Variants in EFCAB6 observed in about 807,000 individuals in gnomAD.
EFCAB6 encodes the protein EF-hand calcium binding domain 6.
EFCAB6 carries 156 observed loss-of-function variants against 169.8 expected under a neutral mutation model. The observed-to-expected ratio is 0.92, with a 90% CI of 0.81 to 1.05. The LOEUF (loss-of-function observed/expected upper bound fraction) is 1.05, where lower values mean the gene tolerates loss of function less well. Ranked by LOEUF, EFCAB6 falls within the 50% of genes least tolerant of loss-of-function variation. The pLI is 0.00. For missense variants in EFCAB6, 1,800 were observed against 1,829.1 expected, an observed-to-expected ratio of 0.98 and a Z score of 0.29; for synonymous variants, 698 against 676.4, an observed-to-expected ratio of 1.03 and a Z score of -0.50.
At chr22:43,578,274 T>G (rs2050392233) in intron 25 of EFCAB6, among the ~76,000 whole-genome samples, 1 of 152,092 alleles carries the variant, frequency 6.6e-6, no homozygotes, top group Non-Finnish European at 1.5e-5. Context: ...AAAAGACTCA[T>G]GAACTCTCAT....
intron 7 of EFCAB6, 68 bp from the exon 8 acceptor site, chr22:43,731,879 G>A (rs1393270793): frequency 6.3e-6 from 6 of 947,112 alleles, no homozygotes; most frequent in Non-Finnish European, 9.1e-6. Flanking sequence ...TGTTACTAAG[G>A]TATCCTTTAC....
chr22:43,701,024 AAGAT>A (rs1056146438), intron 10 of EFCAB6, among the ~76,000 whole-genome samples: 44 of 152,254 alleles, frequency 2.9e-4, no homozygotes, highest in African/African-American at 1.0e-3. Flanking sequence ...ATCTCAATAA[AAGAT>A]AGCCTCGTCC....
At chr22:43,725,507 C>A (rs534363601) in intron 8 of EFCAB6, among the ~76,000 whole-genome samples, 143 of 152,274 alleles carry the variant, frequency 9.4e-4, no homozygotes, top group Non-Finnish European at 1.2e-3. Context: ...GGGGCAGAGC[C>A]CTCATGACTC....
At chr22:43,633,676 T>G (rs2055151488) in intron 18 of EFCAB6, among the ~76,000 whole-genome samples, 1 of 152,210 alleles carries the variant, frequency 6.6e-6, no homozygotes, top group Non-Finnish European at 1.5e-5. Context: ...GGGACTTGGT[T>G]CCAGACGTGG....
intron 24 of EFCAB6, among the ~76,000 whole-genome samples, chr22:43,584,849 A>G (rs1380338889): frequency 1.3e-5 from 2 of 152,212 alleles, no homozygotes; most frequent in Non-Finnish European, 2.9e-5. Flanking sequence ...TACAACTGAA[A>G]GAACTGCAAA....
chr22:43,596,330 T>C (rs554944832), intron 23 of EFCAB6, among the ~76,000 whole-genome samples: 2 of 152,204 alleles, frequency 1.3e-5, no homozygotes, highest in African/African-American at 4.8e-5. Context: ...ATGACATGAT[T>C]TTATATTTAA....
chr22:43,547,225 A>C (rs533888817), intron 27 of EFCAB6, among the ~76,000 whole-genome samples: 19 of 152,308 alleles, frequency 1.2e-4, no homozygotes, highest in African/African-American at 3.8e-4. Flanking sequence ...ATGAGGAAGT[A>C]AGGGAAATCA....
At chr22:43,635,694 G>A (rs1354235559) in intron 17 of EFCAB6, among the ~76,000 whole-genome samples, 1 of 152,142 alleles carries the variant, frequency 6.6e-6, no homozygotes, top group East Asian at 1.9e-4. Context: ...TTAAATGGGG[G>A]TGGCCATCCA....
Position 43,805,450 on chromosome 22 carries a change from C to A in EFCAB6, c.-8+3545G>T, listed in dbSNP as rs117369246. ...ATTAAAAAATGAGATAAGCCAAGCA[C>A]CAAAAAGAAGAATGTTGCATGTTCT... is the stretch of plus-strand genomic sequence containing the variant. On this transcript the variant is annotated intron_variant, in intron 2 of 31. Coordinates refer to ENST00000262726, the MANE Select transcript of EFCAB6 (RefSeq NM_022785.4). Among the ~76,000 whole-genome samples the A allele has an allele frequency of 4.8e-3, 729 of 152,150 alleles. 15 individuals are homozygous for A. The East Asian group carries it at 0.068, about 14-fold the overall frequency.
chr22:43,768,434 A>C (rs1366321114), intron 4 of EFCAB6, among the ~76,000 whole-genome samples: 1 of 152,244 alleles, frequency 6.6e-6, no homozygotes, highest in Non-Finnish European at 1.5e-5. Context: ...TACATTAACT[A>C]CTAAAAAAGA....
chr22:43,671,737 C>T (rs1603118880), intron 15 of EFCAB6, among the ~76,000 whole-genome samples: 1 of 152,172 alleles, frequency 6.6e-6, no homozygotes, highest in Non-Finnish European at 1.5e-5. Context: ...ACCTCTGTTT[C>T]TTTGTCCATA....
At chr22:43,675,765 T>A (rs1040507567) in intron 13 of EFCAB6, among the ~76,000 whole-genome samples, 2 of 148,360 alleles carry the variant, frequency 1.3e-5, no homozygotes, top group Non-Finnish European at 1.5e-5. Context: ...TATAATAATA[T>A]GTAATGTATG....
intron 5 of EFCAB6, among the ~76,000 whole-genome samples, 156 bp downstream of exon 5, chr22:43,765,149 G>T (rs1330411053): frequency 6.6e-6 from 1 of 151,980 alleles, no homozygotes; most frequent in Non-Finnish European, 1.5e-5. Context: ...AATAAAACTT[G>T]ACTGGATTAA....
chr22:43,656,845 C>T (rs2056771050), intron 17 of EFCAB6, among the ~76,000 whole-genome samples: 1 of 147,312 alleles, frequency 6.8e-6, no homozygotes, highest in Admixed American at 7.0e-5. Context: ...GTTGTAACCA[C>T]ACTCTAGGAT....
intron 23 of EFCAB6, among the ~76,000 whole-genome samples, chr22:43,599,453 T>C (rs1305605137): frequency 4.0e-5 from 5 of 125,484 alleles, no homozygotes; most frequent in East Asian, 2.6e-4. Flanking sequence ...GAGGTTGCAG[T>C]GAGCTCAGAC....
intron 17 of EFCAB6, among the ~76,000 whole-genome samples, chr22:43,663,839 C>T (rs559686590): frequency 1.3e-5 from 2 of 152,304 alleles, no homozygotes; most frequent in South Asian, 2.1e-4. Context: ...GGGCCCTTGC[C>T]GGAGCCCCAG....
chr22:43,669,595 G>T (rs2057400493), intron 15 of EFCAB6, among the ~76,000 whole-genome samples: 1 of 152,116 alleles, frequency 6.6e-6, no homozygotes, highest in Non-Finnish European at 1.5e-5. Context: ...TTGCTAAAGG[G>T]CATATGGAAG....
chr22:43,766,605 C>T (rs1459313599), intron 4 of EFCAB6, among the ~76,000 whole-genome samples: 1 of 152,162 alleles, frequency 6.6e-6, no homozygotes, highest in Non-Finnish European at 1.5e-5. Context: ...AACTCTGCCT[C>T]CCGGGTTCAA....
intron 13 of EFCAB6, among the ~76,000 whole-genome samples, chr22:43,675,141 T>C (rs138492991): frequency 7.6e-4 from 113 of 148,426 alleles, no homozygotes; most frequent in Non-Finnish European, 1.3e-3. Flanking sequence ...ATTTTATATA[T>C]ATTATAACTA....
Sources: allele counts gnomAD v4.1 joint callset (sites outside exome capture counted in the v4.1 genomes callset), GRCh38; gene constraint gnomAD v4.1.1; transcripts MANE v1.5; gene names NCBI Gene and HGNC (gene_info 2026-07-23, HGNC 2026-07-21).